Variants in PCDH9 observed in about 807,000 individuals in gnomAD.
The protein encoded by PCDH9 is protocadherin-9.
PCDH9 carries 24 observed loss-of-function variants against 70.6 expected under a neutral mutation model. The observed-to-expected ratio is 0.34, with a 90% CI of 0.25 to 0.48. PCDH9 has a LOEUF of 0.48. PCDH9 is among the 20% of genes least tolerant of loss of function. The probability of loss-of-function intolerance (pLI) is 0.99; values close to 1 mark genes in which losing one functional copy is unlikely to be tolerated. For missense variants in PCDH9, 1,281 were observed against 1,503.6 expected, an observed-to-expected ratio of 0.85 and a Z score of 2.45; for synonymous variants, 562 against 558.5, an observed-to-expected ratio of 1.01 and a Z score of -0.09.
rs116202482 is a variant in PCDH9, at chr13:66,734,226, A to G, written c.3139-102815T>C. Among the ~76,000 whole-genome samples the G allele has an allele frequency of 9.9e-3, 1,506 of 152,340 alleles. 13 individuals carry two copies. The highest frequency in any genetic ancestry group is 0.035 in the African/African-American group (1,438 of 41,580). On this transcript the variant is annotated intron_variant, in intron 3 of 4. Transcript: ENST00000377865. The stretch of plus-strand genomic sequence containing the variant: ...CTACATAATGAAAGCCCAATAAAAT[A>G]TCTGGATAGCAAAGCTTGGGTGAGC...
intron 2 of PCDH9, among the ~76,000 whole-genome samples, chr13:67,102,535 A>G (rs546128348): frequency 2.0e-5 from 3 of 151,160 alleles, no homozygotes; most frequent in South Asian, 4.2e-4. Flanking sequence ...TTTCAAATAG[A>G]AAAAAAAACA....
rs117753621 is a variant in PCDH9, at chr13:66,633,400, T to C, written c.3139-1989A>G. 4.2e-3 allele frequency among the ~76,000 whole-genome samples: 639 copies of C among 152,296 alleles called. 20 individuals are homozygous for C. In the East Asian group the frequency reaches 0.081, roughly 19 times the overall value. On this transcript the variant is annotated intron_variant, in intron 3 of 4. Coordinates refer to ENST00000377865, the MANE Select transcript of PCDH9 (RefSeq NM_203487.3). Reference sequence around the variant, plus strand: ...GGCTAAGAAAGATCATGCTACCATGTTTATTTATTGTAGTGTTTACTCTCT... The same window carrying C: ...GGCTAAGAAAGATCATGCTACCATGCTTATTTATTGTAGTGTTTACTCTCT...
At chr13:66,496,961 G>A (rs1246574483) in intron 4 of PCDH9, among the ~76,000 whole-genome samples, 2 of 152,068 alleles carry the variant, frequency 1.3e-5, no homozygotes, top group Non-Finnish European at 2.9e-5. Flanking sequence ...AAGGCCACAT[G>A]ATTTATGTAT....
intron 3 of PCDH9, among the ~76,000 whole-genome samples, chr13:66,778,560 A>G (rs2079938767): frequency 6.6e-6 from 1 of 152,194 alleles, no homozygotes; most frequent in Admixed American, 6.5e-5. Context: ...TTACAAGAAA[A>G]ATAGTGAAGA....
At chr13:66,367,119 A>G (rs1028858090) in intron 4 of PCDH9, among the ~76,000 whole-genome samples, 4 of 152,040 alleles carry the variant, frequency 2.6e-5, no homozygotes, top group African/African-American at 9.7e-5. Flanking sequence ...TTTTTTCAAT[A>G]TTATTCATAT....
At chr13:66,882,429 T>C (rs989690206) in intron 3 of PCDH9, among the ~76,000 whole-genome samples, 1 of 152,150 alleles carries the variant, frequency 6.6e-6, no homozygotes, top group Non-Finnish European at 1.5e-5. Flanking sequence ...ATGGTTCCTC[T>C]CTACCTTTCC....
At chr13:66,325,840 T>C (rs1454363310) in intron 4 of PCDH9, among the ~76,000 whole-genome samples, 2 of 152,180 alleles carry the variant, frequency 1.3e-5, no homozygotes, top group Non-Finnish European at 2.9e-5. Flanking sequence ...AGATTAACTA[T>C]GTGATCTTGT....
At chr13:66,935,856 G>A (rs966310921) in intron 2 of PCDH9, among the ~76,000 whole-genome samples, 8 of 151,944 alleles carry the variant, frequency 5.3e-5, no homozygotes, top group East Asian at 1.9e-4. Flanking sequence ...TGAGGCAAGC[G>A]GATCACTAGG....
intron 3 of PCDH9, among the ~76,000 whole-genome samples, chr13:66,709,718 T>C (rs2078767044): frequency 6.6e-6 from 1 of 152,174 alleles, no homozygotes; most frequent in Admixed American, 6.5e-5. Flanking sequence ...AATCATATGC[T>C]AAAAATCATT....
intron 3 of PCDH9, among the ~76,000 whole-genome samples, chr13:66,854,276 A>G (rs938486435): frequency 2.0e-5 from 3 of 152,166 alleles, no homozygotes; most frequent in Non-Finnish European, 4.4e-5. Flanking sequence ...CAGTATAGTC[A>G]TGGCTGCTAA....
intron 3 of PCDH9, among the ~76,000 whole-genome samples, chr13:66,685,040 AC>A (rs2078381002): frequency 6.6e-6 from 1 of 151,976 alleles, no homozygotes; most frequent in Admixed American, 6.6e-5. Flanking sequence ...GAAAAAAAAA[AC>A]ATTTTCTGAG....
At chr13:66,791,346 C>T (rs1206632344) in intron 3 of PCDH9, among the ~76,000 whole-genome samples, 3 of 151,798 alleles carry the variant, frequency 2.0e-5, no homozygotes, top group African/African-American at 7.3e-5. Flanking sequence ...AAATTGAGTA[C>T]ATGTTAAAAA....
At chr13:66,620,934 A>G (rs1052169484) in intron 4 of PCDH9, among the ~76,000 whole-genome samples, 2 of 152,250 alleles carry the variant, frequency 1.3e-5, no homozygotes, top group Non-Finnish European at 2.9e-5. Context: ...TACCTAGTAC[A>G]TAATTGACTT....
intron 4 of PCDH9, among the ~76,000 whole-genome samples, chr13:66,582,411 C>T (rs1262772646): frequency 6.6e-6 from 1 of 151,924 alleles, no homozygotes; most frequent in Non-Finnish European, 1.5e-5. Context: ...GGCAGGAGGA[C>T]CAATTGAGGT....
intron 2 of PCDH9, chr13:67,223,972 C>T (rs930704148): frequency 2.0e-5 from 3 of 152,022 alleles, no homozygotes; most frequent in Admixed American, 6.6e-5. Context: ...ACCATGAAGC[C>T]TTAAGTCCTT....
intron 3 of PCDH9, among the ~76,000 whole-genome samples, chr13:66,645,946 T>C (rs1367933387): frequency 1.3e-5 from 2 of 152,172 alleles, no homozygotes; most frequent in Admixed American, 1.3e-4. Flanking sequence ...TAGCAGGACA[T>C]GAAGGGCCAC....
intron 2 of PCDH9, among the ~76,000 whole-genome samples, chr13:66,950,225 G>A (rs934154560): frequency 6.6e-6 from 1 of 152,096 alleles, no homozygotes; most frequent in Non-Finnish European, 1.5e-5. Flanking sequence ...TCAGAAGTTA[G>A]TGCTTCTGCT....
intron 3 of PCDH9, among the ~76,000 whole-genome samples, chr13:66,717,768 T>A (rs2078890912): frequency 6.6e-6 from 1 of 152,146 alleles, no homozygotes; most frequent in South Asian, 2.1e-4. Context: ...GTATTAACAA[T>A]GTCAACTCTT....
chr13:66,712,483 A>T (rs1485904839), intron 3 of PCDH9, among the ~76,000 whole-genome samples: 3 of 152,164 alleles, frequency 2.0e-5, no homozygotes, highest in African/African-American at 7.2e-5. Context: ...AAATACAAAA[A>T]CAATTCTTAT....
Sources: allele counts gnomAD v4.1 joint callset (sites outside exome capture counted in the v4.1 genomes callset), GRCh38; gene constraint gnomAD v4.1.1; transcripts MANE v1.5; gene names NCBI Gene and HGNC (gene_info 2026-07-23, HGNC 2026-07-21).